GRB2: variants seen among roughly 807,000 people sequenced by gnomAD.
GRB2 encodes growth factor receptor-bound protein 2.
In GRB2, 2 loss-of-function variants were observed where a neutral mutation model predicts 27.4. That is an observed-to-expected ratio of 0.07 (90% CI 0.03 to 0.23). The LOEUF (loss-of-function observed/expected upper bound fraction) is 0.23. Among genes scored for constraint, GRB2 ranks in the 10% least tolerant of loss-of-function variants. The pLI is 1.00. For synonymous variants in GRB2, 94 were observed against 99.6 expected (o/e 0.94, Z 0.33); for missense variants, 102 against 282.4 (o/e 0.36, Z 4.58).
At chr17:75,369,170 C>T (rs2078839553) in intron 2 of GRB2, among the ~76,000 whole-genome samples, 1 of 152,228 alleles carries the variant, frequency 6.6e-6, no homozygotes, top group Non-Finnish European at 1.5e-5. Flanking sequence ...TACTCAAAGT[C>T]ATCCTTCTAA....
chr17:75,377,233 A>G (rs1236254584), intron 2 of GRB2, among the ~76,000 whole-genome samples: 1 of 152,064 alleles, frequency 6.6e-6, no homozygotes, highest in African/African-American at 2.4e-5. Flanking sequence ...AGGTGAGATG[A>G]TCACTTGAGC....
chr17:75,328,318 T>G (rs964902811), intron 3 of GRB2, among the ~76,000 whole-genome samples: 1 of 145,086 alleles, frequency 6.9e-6, no homozygotes, highest in East Asian at 2.1e-4. Flanking sequence ...AGTGAGACTC[T>G]GTCTCAAAAA....
At chr17:75,383,581 C>T (rs1054360351) in intron 2 of GRB2, among the ~76,000 whole-genome samples, 16 of 152,178 alleles carry the variant, frequency 1.1e-4, no homozygotes, top group African/African-American at 3.9e-4. Flanking sequence ...GGGTGGCTCA[C>T]GCCTGTAATC....
At chr17:75,362,257 T>C (rs2078787726) in intron 2 of GRB2, among the ~76,000 whole-genome samples, 1 of 152,204 alleles carries the variant, frequency 6.6e-6, no homozygotes. Context: ...CGCCATGTCT[T>C]TGTAGACATT....
chr17:75,342,868 G>A (rs1019249990), intron 2 of GRB2, among the ~76,000 whole-genome samples: 3 of 151,940 alleles, frequency 2.0e-5, no homozygotes, highest in African/African-American at 7.2e-5. Context: ...AGAGGGTACA[G>A]GGAGACCCTG....
At chr17:75,371,573 G>C (rs1170684956) in intron 2 of GRB2, 2 of 152,054 alleles carry the variant, frequency 1.3e-5, no homozygotes, top group African/African-American at 2.4e-5. Context: ...GCACACTGTG[G>C]CAAGAGGTAC....
chr17:75,334,577 T>A (rs1336900535), intron 2 of GRB2, among the ~76,000 whole-genome samples: 1 of 151,914 alleles, frequency 6.6e-6, no homozygotes, highest in Non-Finnish European at 1.5e-5. Flanking sequence ...ACCATGCCAG[T>A]CCTACCTATA....
intron 2 of GRB2, among the ~76,000 whole-genome samples, chr17:75,374,616 CACACACACAA>C (rs2078880135): frequency 1.3e-5 from 2 of 151,620 alleles, no homozygotes; most frequent in East Asian, 3.9e-4. Context: ...CACACACACA[CACACACACAA>C]ACACACACAC....
At chr17:75,392,059 C>T (rs932251485) in intron 2 of GRB2, among the ~76,000 whole-genome samples, 2 of 152,090 alleles carry the variant, frequency 1.3e-5, no homozygotes, top group Non-Finnish European at 2.9e-5. Flanking sequence ...CCATCTTATA[C>T]CATCACAAGT....
At chr17:75,374,841 C>T (rs1315528279) in intron 2 of GRB2, among the ~76,000 whole-genome samples, 1 of 152,142 alleles carries the variant, frequency 6.6e-6, no homozygotes, top group Admixed American at 6.6e-5. Flanking sequence ...TCTCATATAA[C>T]TCTATATGGC....
chr17:75,399,367 C>CTT (rs71161208), intron 1 of GRB2, among the ~76,000 whole-genome samples: 33 of 107,934 alleles, frequency 3.1e-4, no homozygotes, highest in African/African-American at 1.0e-3. Flanking sequence ...ACAATCTTTT[C>CTT]TTTTTTTTTT....
chr17:75,326,842 C>A (rs1353413013), intron 3 of GRB2, among the ~76,000 whole-genome samples: 1 of 152,162 alleles, frequency 6.6e-6, no homozygotes, highest in Non-Finnish European at 1.5e-5. Flanking sequence ...TCAAGTCAAG[C>A]TGCCTCACTA....
In GRB2 at chr17:75,344,701, T is replaced by C. The variant is rs538426314; in HGVS notation, c.79-11904A>G. On this transcript the variant is annotated intron_variant, in intron 2 of 5. Coordinates refer to ENST00000316804, the MANE Select transcript of GRB2 (RefSeq NM_002086.5). ...GAGCCACCGCGCTCGGCCTCAACTG[T>C]AGCTAATTCTTTACTTTAATGACAC... 3.9e-5 allele frequency among the ~76,000 whole-genome samples: 6 copies of C among 152,214 alleles called. No individual in the cohort carries two copies. In the South Asian group the frequency reaches 1.2e-3, roughly 32 times the overall value.
chr17:75,366,684 C>A (rs1476980398), intron 2 of GRB2, among the ~76,000 whole-genome samples: 1 of 151,908 alleles, frequency 6.6e-6, no homozygotes, highest in African/African-American at 2.4e-5. Context: ...GTAGTGCATG[C>A]CTGTAGTTTC....
intron 2 of GRB2, among the ~76,000 whole-genome samples, chr17:75,337,999 C>T (rs560480337): frequency 2.2e-4 from 33 of 150,602 alleles, no homozygotes; most frequent in African/African-American, 7.6e-4. Context: ...GGCACAATCT[C>T]GGCTCACTGC....
chr17:75,374,327 C>A (rs2078877018), intron 2 of GRB2, among the ~76,000 whole-genome samples: 1 of 148,880 alleles, frequency 6.7e-6, no homozygotes, highest in South Asian at 2.1e-4. Context: ...TCGCTGGAAC[C>A]CGGGAGGCGG....
rs1359434057 is a variant in GRB2 at position 75,319,955 on chromosome 17, T to A, written c.*413A>T. 1 of 164,488 alleles carries A rather than the reference T, an allele frequency of 6.1e-6. No homozygotes were observed. Among genetic ancestry groups the A allele is most frequent in the Non-Finnish European group, 1.3e-5 (1 of 74,380 alleles). 10.2% of individuals were successfully genotyped at this position (164,488 alleles called of 1,614,324 possible). A position where few individuals can be genotyped will look rare whatever the true frequency, so the allele number is the denominator to read the frequency against. ...CGAAGAACACAGGAACAGCTGTTCT[T>A]CTTTCAGTCATTCCAACTAAAACAG... is the stretch of plus-strand genomic sequence containing the variant. On this transcript the variant is annotated 3_prime_UTR_variant, in exon 6 of 6. Coordinates refer to ENST00000316804, the MANE Select transcript of GRB2 (RefSeq NM_002086.5).
intron 2 of GRB2, among the ~76,000 whole-genome samples, chr17:75,385,029 CAAAAAAAAAAAAAAAA>C (rs58860615): frequency 1.3e-4 from 7 of 55,316 alleles, no homozygotes; most frequent in African/African-American, 4.7e-4. Context: ...CTGGCTCTAC[CAAAAAAAAAAAAAAAA>C]AAAAAAAAAA....
chr17:75,363,479 G>C (rs533711879), intron 2 of GRB2, among the ~76,000 whole-genome samples: 1 of 152,146 alleles, frequency 6.6e-6, no homozygotes, highest in African/African-American at 2.4e-5. Context: ...TACAACAAAT[G>C]CAAGGAATGT....
Sources: gnomAD v4.1 joint callset for allele counts (sites outside exome capture counted in the v4.1 genomes callset) on GRCh38, gnomAD v4.1.1 for gene constraint, MANE v1.5 for transcripts, NCBI Gene and HGNC (gene_info 2026-07-23, HGNC 2026-07-21) for gene names.